SGCZ: variants seen among roughly 807,000 people sequenced by gnomAD.
SGCZ encodes the protein zeta-sarcoglycan.
In SGCZ, 40 loss-of-function variants were observed where a neutral mutation model predicts 41.3. The ratio of observed to expected loss-of-function variants is 0.97; its 90% CI spans 0.75 to 1.26. The LOEUF is 1.26. Ranked by LOEUF, SGCZ falls within the 50% of genes most tolerant of loss-of-function variation. The pLI, the probability that SGCZ is intolerant of heterozygous loss-of-function variation, is 0.00. For missense variants in SGCZ, 552 were observed against 369.8 expected, an observed-to-expected ratio of 1.49 and a Z score of -4.04; for synonymous variants, 206 against 137.5, an observed-to-expected ratio of 1.50 and a Z score of -3.49.
At chr8:15,139,404 T>C (rs906245848) in intron 1 of SGCZ, among the ~76,000 whole-genome samples, 1 of 152,182 alleles carries the variant, frequency 6.6e-6, no homozygotes, top group East Asian at 1.9e-4. Context: ...ATAAACATAG[T>C]AAAGTGTCCT....
chr8:14,835,568 C>T (rs964423611), intron 1 of SGCZ, among the ~76,000 whole-genome samples: 2 of 152,172 alleles, frequency 1.3e-5, no homozygotes, highest in African/African-American at 4.8e-5. Flanking sequence ...TTTTCCAGAT[C>T]ATTAATGAGA....
chr8:14,180,939 G>T (rs1259889905), intron 4 of SGCZ, among the ~76,000 whole-genome samples: 1 of 151,914 alleles, frequency 6.6e-6, no homozygotes, highest in African/African-American at 2.4e-5. Context: ...AGCTATACTT[G>T]ATAGAAATCT....
intron 1 of SGCZ, among the ~76,000 whole-genome samples, chr8:15,155,800 G>C (rs181354574): frequency 6.6e-6 from 1 of 152,286 alleles, no homozygotes; most frequent in East Asian, 1.9e-4. Flanking sequence ...ACTTACACCT[G>C]TTATCCTAGC....
intron 1 of SGCZ, among the ~76,000 whole-genome samples, chr8:14,980,597 G>A (rs565002631): frequency 7.9e-5 from 12 of 152,256 alleles, no homozygotes; most frequent in South Asian, 6.2e-4. Context: ...AGCAAGTCAC[G>A]TCTTACGTGA....
intron 1 of SGCZ, among the ~76,000 whole-genome samples, chr8:15,012,695 A>T (rs1186513874): frequency 7.1e-6 from 1 of 140,104 alleles, no homozygotes; most frequent in Non-Finnish European, 1.5e-5. Context: ...TATAAATATA[A>T]ATATTTTATA....
At chr8:15,136,434 G>C (rs4831324) in intron 1 of SGCZ, among the ~76,000 whole-genome samples, 1 of 151,116 alleles carries the variant, frequency 6.6e-6, no homozygotes, top group Non-Finnish European at 1.5e-5. Flanking sequence ...TTGAGTTGAC[G>C]AAGTAGGAGA....
chr8:15,196,796 TG>T (rs1389005846), intron 1 of SGCZ, among the ~76,000 whole-genome samples: 1 of 152,358 alleles, frequency 6.6e-6, no homozygotes, highest in Admixed American at 6.5e-5. Context: ...TTCTATGGGC[TG>T]CAGGGTTTCC....
At chr8:14,783,001 T>A (rs543826893) in intron 1 of SGCZ, among the ~76,000 whole-genome samples, 5 of 152,350 alleles carry the variant, frequency 3.3e-5, no homozygotes, top group African/African-American at 9.6e-5. Context: ...TTCTGCAGAA[T>A]AATTTATGTA....
intron 5 of SGCZ, among the ~76,000 whole-genome samples, chr8:14,145,228 A>G (rs999692586): frequency 6.6e-6 from 1 of 152,248 alleles, no homozygotes; most frequent in African/African-American, 2.4e-5. Context: ...TTCAGGACAG[A>G]GAGAATCTTT....
At chr8:14,782,165 G>C (rs772972012) in intron 1 of SGCZ, among the ~76,000 whole-genome samples, 3 of 152,144 alleles carry the variant, frequency 2.0e-5, no homozygotes, top group Non-Finnish European at 4.4e-5. Flanking sequence ...TACTGGGACT[G>C]CTGTCAGAAA....
intron 1 of SGCZ, among the ~76,000 whole-genome samples, chr8:14,558,592 G>GAGAGAGAGAGAA (rs2117200640): frequency 7.4e-6 from 1 of 134,306 alleles, no homozygotes; most frequent in African/African-American, 2.6e-5. Flanking sequence ...GAGAGAGAGA[G>GAGAGAGAGAGAA]AGAGAGAGAG....
Position 15,042,147 on chromosome 8 carries a change from G to T in SGCZ, c.39+195438C>A, listed in dbSNP as rs182234490. Among the ~76,000 whole-genome samples, 136 of 152,282 alleles carry T rather than the reference G, an allele frequency of 8.9e-4. 1 individual carries two copies. Among genetic ancestry groups the T allele is most frequent in the African/African-American group, 3.2e-3 (132 of 41,568 alleles). On this transcript the variant is annotated intron_variant, in intron 1 of 7. Coordinates refer to ENST00000382080, the MANE Select transcript of SGCZ (RefSeq NM_139167.4). ...CTTTACCAGCACATTCTGGCTCTGA[G>T]TTAGGATGATGAGAAACTTTCTAAA...
chr8:14,350,475 T>A (rs1189104852), intron 2 of SGCZ, among the ~76,000 whole-genome samples: 8 of 152,140 alleles, frequency 5.3e-5, no homozygotes, highest in Non-Finnish European at 1.0e-4. Flanking sequence ...TCAGGAGTGT[T>A]AGGGGCTGGT....
At chr8:14,661,771 C>T (rs1274529262) in intron 1 of SGCZ, among the ~76,000 whole-genome samples, 1 of 151,858 alleles carries the variant, frequency 6.6e-6, no homozygotes, top group East Asian at 1.9e-4. Context: ...AATTTAAATT[C>T]CTAATTCACA....
chr8:14,594,770 T>A (rs1018495662), intron 1 of SGCZ, among the ~76,000 whole-genome samples: 4 of 151,956 alleles, frequency 2.6e-5, no homozygotes, highest in Admixed American at 6.5e-5. Flanking sequence ...TACTATTACG[T>A]GAATTCTAGT....
At chr8:14,889,172 G>A (rs1034792940) in intron 1 of SGCZ, among the ~76,000 whole-genome samples, 1 of 151,880 alleles carries the variant, frequency 6.6e-6, no homozygotes, top group African/African-American at 2.4e-5. Flanking sequence ...TGAAAAAATG[G>A]CAACAGTACA....
chr8:15,136,672 C>T (rs983312410), intron 1 of SGCZ, among the ~76,000 whole-genome samples: 2 of 152,144 alleles, frequency 1.3e-5, no homozygotes, highest in African/African-American at 2.4e-5. Flanking sequence ...TCCCTGCTTG[C>T]TCTCATTCTC....
chr8:14,227,202 C>T (rs7816719), intron 4 of SGCZ, among the ~76,000 whole-genome samples: 90,708 of 151,894 alleles, frequency 0.6, 27,415 homozygotes, highest in East Asian at 0.76. Context: ...CTCTGAATTA[C>T]GTTCAATAAT....
chr8:14,809,097 G>C (rs1171892974), intron 1 of SGCZ, among the ~76,000 whole-genome samples: 2 of 147,096 alleles, frequency 1.4e-5, no homozygotes, highest in Non-Finnish European at 3.0e-5. Context: ...GGTGGAGGGG[G>C]GAGGGATAGC....
Sources: gnomAD v4.1 joint callset for allele counts (sites outside exome capture counted in the v4.1 genomes callset) on GRCh38, gnomAD v4.1.1 for gene constraint, MANE v1.5 for transcripts, NCBI Gene and HGNC (gene_info 2026-07-23, HGNC 2026-07-21) for gene names.